GRIN2B: variants seen among roughly 807,000 people sequenced by gnomAD.
GRIN2B encodes glutamate receptor ionotropic, NMDA 2B.
In GRIN2B, 5 loss-of-function variants were observed where a neutral mutation model predicts 114.5. The ratio of observed to expected loss-of-function variants is 0.04; its 90% confidence interval spans 0.02 to 0.09. The LOEUF is 0.09. GRIN2B is among the 10% of genes least tolerant of loss of function. GRIN2B has a pLI of 1.00. For missense variants in GRIN2B, 1,108 were observed against 1,943.5 expected, an observed-to-expected ratio of 0.57 and a Z score of 8.08; for synonymous variants, 787 against 745.1, an observed-to-expected ratio of 1.06 and a Z score of -0.92.
chr12:13,537,383 G>T lies in GRIN2B; in HGVS notation c.*25400C>A, dbSNP rs1948225968. 3 of 152,136 alleles carry T rather than the reference G, an allele frequency of 2.0e-5. No individual in the cohort carries two copies. Among genetic ancestry groups the T allele is most frequent in the Admixed American group, 2.0e-4 (3 of 15,278 alleles). The allele number at this position is 152,136 out of a possible 1,614,324, so 9.4% of individuals were successfully genotyped here. On this transcript the variant is annotated 3_prime_UTR_variant, in exon 14 of 14. Transcript: ENST00000609686. ...ATGTGTAGAATTTCCTTTACATAGAGGAGCTTTGCAGTATGTCTATATCTA... is the reference window on the plus strand; with the variant it reads ...ATGTGTAGAATTTCCTTTACATAGATGAGCTTTGCAGTATGTCTATATCTA...
intron 2 of GRIN2B, among the ~76,000 whole-genome samples, chr12:13,959,868 A>T (rs1385958859): frequency 6.7e-6 from 1 of 149,208 alleles, no homozygotes; most frequent in African/African-American, 2.5e-5. Flanking sequence ...ATTCAGGATG[A>T]TGGAACTGTA....
chr12:13,552,538 C>G lies in GRIN2B; in HGVS notation c.*10245G>C, dbSNP rs1171393309. The G allele has an allele frequency of 6.6e-6, 1 of 151,970 alleles. No individual in the cohort carries two copies. The highest frequency in any genetic ancestry group is 1.9e-4 in the East Asian group (1 of 5,178). 9.4% of individuals were successfully genotyped at this position (151,970 alleles called of 1,614,324 possible). ...AATAATTGACATGAACAGTTCATGGCTAAAATGCCTAGAATTTTGGTCCAT... is the reference window on the plus strand; with the variant it reads ...AATAATTGACATGAACAGTTCATGGGTAAAATGCCTAGAATTTTGGTCCAT... On this transcript the variant is annotated 3_prime_UTR_variant, in exon 14 of 14. Transcript: ENST00000609686.
chr12:13,755,187 C>T (rs1393802938), intron 3 of GRIN2B, among the ~76,000 whole-genome samples: 1 of 152,190 alleles, frequency 6.6e-6, no homozygotes, highest in Non-Finnish European at 1.5e-5. Flanking sequence ...GAGACCTGGG[C>T]TTTTAAACAA....
At chr12:13,719,312 A>G (rs1453946471) in intron 4 of GRIN2B, among the ~76,000 whole-genome samples, 5 of 152,098 alleles carry the variant, frequency 3.3e-5, no homozygotes, top group African/African-American at 1.2e-4. Context: ...TTGAATAAAC[A>G]CTTAAGTGTA....
At chr12:13,634,535 C>A (rs958719368) in intron 5 of GRIN2B, among the ~76,000 whole-genome samples, 1 of 152,046 alleles carries the variant, frequency 6.6e-6, no homozygotes, top group African/African-American at 2.4e-5. Context: ...ACAAAAGGAG[C>A]GTAGTTGAGC....
At chr12:13,897,789 T>A (rs544264834) in intron 2 of GRIN2B, among the ~76,000 whole-genome samples, 41 of 152,164 alleles carry the variant, frequency 2.7e-4, no homozygotes, top group Non-Finnish European at 4.6e-4. Context: ...TAGATAATGA[T>A]AAATAGATGA....
At chr12:13,621,905 C>T (rs1273064600) in intron 5 of GRIN2B, among the ~76,000 whole-genome samples, 5 of 152,048 alleles carry the variant, frequency 3.3e-5, no homozygotes, top group Non-Finnish European at 7.4e-5. Context: ...CCTGACAAGG[C>T]CACACATTAA....
chr12:13,885,799 G>T (rs1401690413), intron 2 of GRIN2B, among the ~76,000 whole-genome samples: 1 of 152,194 alleles, frequency 6.6e-6, no homozygotes, highest in African/African-American at 2.4e-5. Flanking sequence ...TGCACAGAAG[G>T]AAATAAAGGT....
Position 13,562,568 on chromosome 12 carries a change from GGAA to G in GRIN2B, c.*212_*214del, listed in dbSNP as rs1290259277. The stretch of plus-strand genomic sequence containing the variant: ...GGAACAGGAATGGCTGACAGCGGGG[GGAA>G]GAAGGAGAGAACTGTGAAAAGGAGG... On this transcript the variant is annotated 3_prime_UTR_variant, in exon 14 of 14. Transcript: ENST00000609686. The G allele has an allele frequency of 6.9e-6, 4 of 581,992 alleles. No homozygotes were observed. The highest frequency in any genetic ancestry group is 1.2e-5 in the Non-Finnish European group (4 of 326,244). The allele number at this position is 581,992 out of a possible 1,614,324, so 36.1% of individuals were successfully genotyped here. A position where few individuals can be genotyped will look rare whatever the true frequency, so the allele number is the denominator to read the frequency against.
chr12:13,843,256 C>G (rs1437438328), intron 3 of GRIN2B, among the ~76,000 whole-genome samples: 1 of 151,752 alleles, frequency 6.6e-6, no homozygotes, highest in Non-Finnish European at 1.5e-5. Flanking sequence ...CGCACAGACA[C>G]ACACACAAAT....
intron 2 of GRIN2B, among the ~76,000 whole-genome samples, chr12:13,939,218 C>T (rs984940714): frequency 6.6e-6 from 1 of 152,136 alleles, no homozygotes; most frequent in Non-Finnish European, 1.5e-5. Context: ...ACACAAAATA[C>T]ATTCTTGATA....
chr12:13,613,684 T>G (rs1011310766), intron 8 of GRIN2B, among the ~76,000 whole-genome samples: 2 of 152,188 alleles, frequency 1.3e-5, no homozygotes, highest in African/African-American at 4.8e-5. Context: ...GGAAAATGGC[T>G]TAATAGGTCT....
chr12:13,716,765 A>G (rs975143934), intron 4 of GRIN2B, among the ~76,000 whole-genome samples: 2 of 151,898 alleles, frequency 1.3e-5, no homozygotes, highest in East Asian at 1.9e-4. Context: ...CGCACTGCCA[A>G]ATGTTCCTAT....
chr12:13,738,844 C>A (rs1026888834), intron 4 of GRIN2B, among the ~76,000 whole-genome samples: 7 of 152,166 alleles, frequency 4.6e-5, no homozygotes, highest in African/African-American at 1.7e-4. Context: ...TTACCCTCTT[C>A]CAGTGCAGCT....
At chr12:13,608,878 G>C in intron 9 of GRIN2B, 46 bp from the exon 10 acceptor site, 1 of 1,415,982 alleles carries the variant, frequency 7.1e-7, no homozygotes, top group East Asian at 2.3e-5. Flanking sequence ...CATTGTGGCT[G>C]GTTCTGTTGA....
At chr12:13,796,428 T>C (rs1046276644) in intron 3 of GRIN2B, among the ~76,000 whole-genome samples, 2 of 152,190 alleles carry the variant, frequency 1.3e-5, no homozygotes, top group African/African-American at 4.8e-5. Context: ...GGCAGCATAA[T>C]TGGGACCGCA....
intron 2 of GRIN2B, among the ~76,000 whole-genome samples, chr12:13,976,347 G>A (rs1301242906): frequency 6.6e-6 from 1 of 152,184 alleles, no homozygotes; most frequent in Non-Finnish European, 1.5e-5. Flanking sequence ...GTGCACAGGA[G>A]CAGCGACTGA....
chr12:13,810,850 G>A (rs965287310), intron 3 of GRIN2B, among the ~76,000 whole-genome samples: 3 of 152,164 alleles, frequency 2.0e-5, no homozygotes, highest in Non-Finnish European at 2.9e-5. Context: ...CCAGTCACTC[G>A]TACTGTATCA....
rs181816247 is a variant in GRIN2B, at chr12:13,582,365, C to T, written c.2011-10401G>A. On this transcript the variant is annotated intron_variant, in intron 10 of 13. Coordinates refer to ENST00000609686, the MANE Select transcript of GRIN2B (RefSeq NM_000834.5). ...ATTGCAGAATGTAGTTAGAAGCTAC[C>T]GGTATATAGGAAAATTGCCCAAATT... Among the ~76,000 whole-genome samples the T allele has an allele frequency of 7.4e-4, 112 of 152,212 alleles. 1 individual carries two copies. The highest frequency in any genetic ancestry group is 3.3e-3 in the South Asian group (16 of 4,814).
Sources: gnomAD v4.1 joint callset for allele counts (sites outside exome capture counted in the v4.1 genomes callset) on GRCh38, gnomAD v4.1.1 for gene constraint, MANE v1.5 for transcripts, NCBI Gene and HGNC (gene_info 2026-07-23, HGNC 2026-07-21) for gene names.